GRID2: variants seen among roughly 807,000 people sequenced by gnomAD.
The protein encoded by GRID2 is glutamate ionotropic receptor delta type subunit 2.
A neutral mutation model predicts 114.8 loss-of-function variants in GRID2; 33 were observed. The ratio of observed to expected loss-of-function variants is 0.29; its 90% CI spans 0.22 to 0.38. The LOEUF (loss-of-function observed/expected upper bound fraction) is 0.38, where lower values mean the gene tolerates loss of function less well. GRID2 is among the 10% of genes least tolerant of loss of function. GRID2 has a pLI of 1.00. For missense variants in GRID2, 1,184 were observed against 1,257.7 expected (o/e 0.94, Z 0.89); for synonymous variants, 505 against 449.9 (o/e 1.12, Z -1.55).
intron 13 of GRID2, among the ~76,000 whole-genome samples, chr4:93,538,388 GA>G (rs1406870484): frequency 1.3e-5 from 2 of 151,526 alleles, no homozygotes; most frequent in African/African-American, 4.8e-5. Flanking sequence ...ATAGTGATAT[GA>G]AAAAAATTAT....
chr4:93,525,112 G>T (rs1420788484), intron 13 of GRID2, among the ~76,000 whole-genome samples: 1 of 151,896 alleles, frequency 6.6e-6, no homozygotes, highest in Non-Finnish European at 1.5e-5. Flanking sequence ...TAAGTAAAAT[G>T]CAGAACAGCA....
chr4:93,688,929 A>G (rs1033886852), intron 14 of GRID2, among the ~76,000 whole-genome samples: 5 of 152,058 alleles, frequency 3.3e-5, no homozygotes, highest in African/African-American at 1.2e-4. Flanking sequence ...CAAAATTCGT[A>G]TATTGAAGTC....
At chr4:92,975,998 G>A (rs1211366992) in intron 2 of GRID2, among the ~76,000 whole-genome samples, 3 of 151,912 alleles carry the variant, frequency 2.0e-5, no homozygotes, top group African/African-American at 7.2e-5. Context: ...GCATACAAGT[G>A]CTTTTTCTTA....
chr4:93,106,979 A>C (rs1270693601), intron 3 of GRID2, among the ~76,000 whole-genome samples: 1 of 152,234 alleles, frequency 6.6e-6, no homozygotes, highest in Non-Finnish European at 1.5e-5. Flanking sequence ...CACTTTTGCA[A>C]AATCAATCTT....
chr4:92,730,289 C>T (rs754937085), intron 2 of GRID2, among the ~76,000 whole-genome samples: 9 of 151,880 alleles, frequency 5.9e-5, no homozygotes, highest in Non-Finnish European at 1.0e-4. Flanking sequence ...ACTGTCACAG[C>T]AATGGTGATC....
intron 14 of GRID2, among the ~76,000 whole-genome samples, chr4:93,731,207 T>C (rs1477344811): frequency 6.6e-6 from 1 of 152,038 alleles, no homozygotes; most frequent in Non-Finnish European, 1.5e-5. Context: ...CAGGAGCAGG[T>C]TGAGGCGCAG....
At chr4:92,820,521 T>C (rs1741210018) in intron 2 of GRID2, among the ~76,000 whole-genome samples, 1 of 152,132 alleles carries the variant, frequency 6.6e-6, no homozygotes, top group Non-Finnish European at 1.5e-5. Flanking sequence ...AAAACAGCAC[T>C]ATGCAACCTC....
rs1474084076 is a variant in GRID2, at chr4:93,515,328, A to G, written c.2110A>G (p.Met704Val). 6.2e-7 allele frequency: 1 copy of G among 1,612,258 alleles called. No homozygotes were observed. Among genetic ancestry groups the G allele is most frequent in the Non-Finnish European group, 8.5e-7 (1 of 1,178,528 alleles). The change falls in exon 13 of 16, where the codon ATG becomes GTG. Residue 704 changes from methionine to valine, a missense_variant. Around this residue, in one of 3 missense-constraint regions of GRID2, gnomAD observed 717 missense variants for 796.9 expected, o/e 0.90. Transcript: ENST00000282020. The part of the protein sequence containing the change: ...KGLNPFERDS[M>V]YSQMWRMINR... ...ACTGAATCCTTTTGAGAGGGACAGC[A>G]TGTATTCCCAAATGTGGCGGATGAT...
chr4:93,046,699 G>A (rs12507987), intron 2 of GRID2, among the ~76,000 whole-genome samples: 53,451 of 151,528 alleles, frequency 0.35, 9,707 homozygotes, highest in Admixed American at 0.49. Flanking sequence ...GGCAAGTGTT[G>A]TTTCTAAATC....
chr4:92,395,485 A>G (rs1007381776), intron 1 of GRID2, among the ~76,000 whole-genome samples: 1 of 151,800 alleles, frequency 6.6e-6, no homozygotes, highest in African/African-American at 2.4e-5. Context: ...CAGGAAATTT[A>G]TAATTATCTG....
chr4:92,574,732 T>C (rs1013426459), intron 1 of GRID2, among the ~76,000 whole-genome samples: 1 of 152,210 alleles, frequency 6.6e-6, no homozygotes, highest in Admixed American at 6.5e-5. Context: ...CACCTGCGTT[T>C]TCTCTCTAGC....
At chr4:92,927,201 C>T (rs1056489174) in intron 2 of GRID2, among the ~76,000 whole-genome samples, 2 of 151,784 alleles carry the variant, frequency 1.3e-5, no homozygotes, top group African/African-American at 4.8e-5. Context: ...TTATTTTCTA[C>T]AGTTAAAGAG....
intron 2 of GRID2, among the ~76,000 whole-genome samples, chr4:92,646,293 C>A (rs1579755581): frequency 1.3e-5 from 2 of 152,290 alleles, no homozygotes; most frequent in Admixed American, 6.5e-5. Flanking sequence ...GAGTTATTTT[C>A]TCTCGCTTGT....
At chr4:93,154,787 A>G (rs1274952607) in intron 4 of GRID2, among the ~76,000 whole-genome samples, 2 of 151,848 alleles carry the variant, frequency 1.3e-5, no homozygotes, top group Non-Finnish European at 2.9e-5. Flanking sequence ...CACCACCACC[A>G]CCACCACCAA....
At chr4:92,953,682 A>G (rs756797632) in intron 2 of GRID2, among the ~76,000 whole-genome samples, 3 of 152,142 alleles carry the variant, frequency 2.0e-5, no homozygotes, top group Non-Finnish European at 4.4e-5. Context: ...AGGAATCAAT[A>G]TGATGATTCA....
intron 1 of GRID2, among the ~76,000 whole-genome samples, chr4:92,335,357 G>C (rs191079356): frequency 1.3e-5 from 2 of 152,080 alleles, no homozygotes; most frequent in Non-Finnish European, 2.9e-5. Flanking sequence ...AAAAGATCTT[G>C]GTATTCTTTT....
chr4:93,665,162 T>C (rs941437835), intron 14 of GRID2, among the ~76,000 whole-genome samples: 2 of 152,206 alleles, frequency 1.3e-5, no homozygotes, highest in Non-Finnish European at 2.9e-5. Flanking sequence ...TTCTCTGCTC[T>C]TCCATAGGTA....
intron 2 of GRID2, among the ~76,000 whole-genome samples, chr4:92,676,612 A>G (rs1733385189): frequency 6.6e-6 from 1 of 152,150 alleles, no homozygotes; most frequent in African/African-American, 2.4e-5. Flanking sequence ...GCTCCAAGAC[A>G]TTGCCATGTC....
chr4:93,632,086 G>A (rs1225859540), intron 14 of GRID2, among the ~76,000 whole-genome samples: 1 of 152,102 alleles, frequency 6.6e-6, no homozygotes, highest in Non-Finnish European at 1.5e-5. Context: ...TTGTAAGTTT[G>A]TTTGAGTTCT....
Sources: allele counts gnomAD v4.1 joint callset (sites outside exome capture counted in the v4.1 genomes callset), GRCh38; gene constraint gnomAD v4.1.1; regional missense constraint gnomAD v4.1.1; transcripts MANE v1.5; gene names NCBI Gene and HGNC (gene_info 2026-07-23, HGNC 2026-07-21).